The following STARD13 variants were observed in gnomAD, a reference collection of about 807,000 sequenced individuals.
STARD13 encodes stAR-related lipid transfer protein 13.
Under a neutral mutation model 106.4 loss-of-function variants are expected in STARD13, and 62 were observed. That is an observed-to-expected ratio of 0.58 (90% CI 0.48 to 0.72). STARD13 has a LOEUF of 0.72. STARD13 is among the 30% of genes least tolerant of loss of function. The pLI is 0.00. For synonymous variants in STARD13, 565 were observed against 553.0 expected, an observed-to-expected ratio of 1.02 and a Z score of -0.31; for missense variants, 1,387 against 1,424.0, an observed-to-expected ratio of 0.97 and a Z score of 0.42.
At chr13:33,670,306 CAAGA>C in the STARD13 span, among the ~76,000 whole-genome samples, 1 of 152,074 alleles carries the variant, frequency 6.6e-6, no homozygotes, top group South Asian at 2.1e-4. Flanking sequence ...TCATTGCAGA[CAAGA>C]TTAAGAATAT....
chr13:33,514,223 A>G, the STARD13 span, among the ~76,000 whole-genome samples: 1 of 152,180 alleles, frequency 6.6e-6, no homozygotes, highest in African/African-American at 2.4e-5. Context: ...CACAAAGTGT[A>G]ATGGAGAAAA....
At chr13:33,391,215 T>C in the STARD13 span, among the ~76,000 whole-genome samples, 1 of 152,184 alleles carries the variant, frequency 6.6e-6, no homozygotes, top group African/African-American at 2.4e-5. Context: ...ATTGTGATTG[T>C]GTGCTCTAGG....
chr13:33,298,498 C>T (rs1892589215), intron 1 of STARD13, among the ~76,000 whole-genome samples: 1 of 151,910 alleles, frequency 6.6e-6, no homozygotes, highest in Admixed American at 6.6e-5. Context: ...AGTCATACCA[C>T]CCTCCTGCCA....
At chr13:33,148,651 G>T (rs1313005089) in intron 3 of STARD13, among the ~76,000 whole-genome samples, 1 of 152,218 alleles carries the variant, frequency 6.6e-6, no homozygotes, top group South Asian at 2.1e-4. Context: ...GGCCACATTG[G>T]AAGACAGTGG....
the STARD13 span, among the ~76,000 whole-genome samples, chr13:33,405,538 G>C: frequency 6.6e-6 from 1 of 152,206 alleles, no homozygotes; most frequent in Non-Finnish European, 1.5e-5. Context: ...TTCCACTTCA[G>C]GGAACTTATC....
chr13:33,590,520 T>TA, the STARD13 span, among the ~76,000 whole-genome samples: 46 of 151,360 alleles, frequency 3.0e-4, no homozygotes, highest in Non-Finnish European at 5.9e-4. Flanking sequence ...TATGCAGCCA[T>TA]AAAAAAGGAT....
upstream of STARD13, among the ~76,000 whole-genome samples, chr13:33,286,194 G>T (rs1019376845): frequency 6.6e-6 from 1 of 152,058 alleles, no homozygotes; most frequent in Non-Finnish European, 1.5e-5. Flanking sequence ...CTTCAAACAA[G>T]CATCAACAGC....
At chr13:33,351,168 A>G (rs947219548), upstream of STARD13, among the ~76,000 whole-genome samples, 1 of 152,226 alleles carries the variant, frequency 6.6e-6, no homozygotes. Flanking sequence ...TGAAGTGTCA[A>G]AATATTATTT....
the STARD13 span, among the ~76,000 whole-genome samples, chr13:33,514,752 C>T: frequency 6.6e-6 from 1 of 152,056 alleles, no homozygotes; most frequent in Non-Finnish European, 1.5e-5. Context: ...TGGACAGTGA[C>T]AGATGATACC....
intron 8 of STARD13, among the ~76,000 whole-genome samples, chr13:33,114,213 T>A (rs370105680): frequency 2.0e-5 from 3 of 152,174 alleles, no homozygotes; most frequent in African/African-American, 7.2e-5. Flanking sequence ...GAGTGCATGA[T>A]AAAAACAAAC....
chr13:33,505,082 C>T, the STARD13 span, among the ~76,000 whole-genome samples: 245 of 152,294 alleles, frequency 1.6e-3, no homozygotes, highest in African/African-American at 5.5e-3. Context: ...TTTACAACCC[C>T]GTGCTTGTTG....
chr13:33,380,402 G>A, the STARD13 span, among the ~76,000 whole-genome samples: 32 of 149,398 alleles, frequency 2.1e-4, no homozygotes, highest in African/African-American at 7.4e-4. Flanking sequence ...GCAACTGAGC[G>A]GGATTCTGTC....
intron 1 of STARD13, among the ~76,000 whole-genome samples, chr13:33,201,939 T>C (rs1239963892): frequency 6.6e-6 from 1 of 152,192 alleles, no homozygotes; most frequent in African/African-American, 2.4e-5. Context: ...AAAGTAATAC[T>C]GGTCACTTAT....
upstream of STARD13, among the ~76,000 whole-genome samples, chr13:33,350,888 T>A (rs1312006554): frequency 1.3e-5 from 2 of 152,110 alleles, no homozygotes; most frequent in Non-Finnish European, 2.9e-5. Context: ...ACCATACTCC[T>A]CCTATTTCTT....
chr13:33,216,759 T>C (rs973323945), intron 1 of STARD13, among the ~76,000 whole-genome samples: 1 of 152,144 alleles, frequency 6.6e-6, no homozygotes, highest in Admixed American at 6.5e-5. Flanking sequence ...TTTGACCATA[T>C]GTATAGGAGA....
the STARD13 span, among the ~76,000 whole-genome samples, chr13:33,671,543 A>G: frequency 6.6e-6 from 1 of 152,172 alleles, no homozygotes; most frequent in Non-Finnish European, 1.5e-5. Flanking sequence ...CGGCCTGGGC[A>G]ACATAGCATG....
the STARD13 span, among the ~76,000 whole-genome samples, chr13:33,445,749 A>G: frequency 2.6e-5 from 4 of 152,078 alleles, no homozygotes; most frequent in Non-Finnish European, 5.9e-5. Flanking sequence ...GATCACAGGG[A>G]GAGAGAGGAA....
the STARD13 span, among the ~76,000 whole-genome samples, chr13:33,591,563 C>G: frequency 6.6e-6 from 1 of 152,290 alleles, no homozygotes; most frequent in East Asian, 1.9e-4. Flanking sequence ...ATTTCTAAGT[C>G]TCATTTCATC....
chr13:33,281,978 C>T (rs1297052580), intron 1 of STARD13, among the ~76,000 whole-genome samples: 1 of 151,868 alleles, frequency 6.6e-6, no homozygotes, highest in Non-Finnish European at 1.5e-5. Context: ...GTTAAGATGG[C>T]AAAATTAATG....
Sources: gnomAD v4.1 joint callset for allele counts (sites outside exome capture counted in the v4.1 genomes callset) on GRCh38, gnomAD v4.1.1 for gene constraint, MANE v1.5 for transcripts, NCBI Gene and HGNC (gene_info 2026-07-23, HGNC 2026-07-21) for gene names.